The following AHRR variants were observed in gnomAD, a reference collection of about 807,000 sequenced individuals.
The protein encoded by AHRR is aryl hydrocarbon receptor repressor, also known as ahR repressor.
In AHRR, 28 loss-of-function variants were observed where a neutral mutation model predicts 44.0. That is an observed-to-expected ratio of 0.64 (90% confidence interval 0.47 to 0.87). The LOEUF (loss-of-function observed/expected upper bound fraction) is 0.87, where lower values mean the gene tolerates loss of function less well. Ranked by LOEUF, AHRR falls within the 40% of genes least tolerant of loss-of-function variation. The pLI is 0.00. For missense variants in AHRR, 990 were observed against 953.9 expected, an observed-to-expected ratio of 1.04 and a Z score of -0.50; for synonymous variants, 434 against 407.0, an observed-to-expected ratio of 1.07 and a Z score of -0.80.
chr5:423,493 G>T lies in AHRR; in HGVS notation c.572-348G>T, dbSNP rs374470157. Reference sequence around the variant, plus strand: ...GGTTCTCTCGCACGTATCCGCAGAAGCCTGAAATAATTCACGGAAAGTTTC... The same window carrying T: ...GGTTCTCTCGCACGTATCCGCAGAATCCTGAAATAATTCACGGAAAGTTTC... On this transcript the variant is annotated intron_variant, in intron 6 of 10. Transcript: ENST00000684583. Among the ~76,000 whole-genome samples, 263 of 152,316 alleles carry T rather than the reference G, an allele frequency of 1.7e-3. 14 individuals carry two copies. The South Asian group carries it at 0.053, about 30-fold the overall frequency.
At chr5:354,001 G>A in intron 3 of AHRR, 90 bp downstream of exon 3, 2 of 1,386,204 alleles carry the variant, frequency 1.4e-6, no homozygotes, top group Non-Finnish European at 2.0e-6. Flanking sequence ...GGTGAAGTGT[G>A]TCTGGTGGGT....
rs1742199140 is a variant in AHRR at position 337,906 on chromosome 5, G to A, written c.-10-5987G>A. 6.6e-6 allele frequency among the ~76,000 whole-genome samples: 1 copy of A among 152,220 alleles called. No homozygotes were observed. The highest frequency in any genetic ancestry group is 1.5e-5 in the Non-Finnish European group (1 of 68,038). On this transcript the variant is annotated intron_variant, in intron 1 of 10. Transcript: ENST00000684583. This position sits in a 1 kb window ranked among gnomAD's most constrained non-coding sequence, Gnocchi z 4.1. ...GAACCAGGAGAGGCTCCTTCTTCCT[G>A]CTGGGCTCCTCTAGGACCGTATTCA... is the stretch of plus-strand genomic sequence containing the variant.
At chr5:432,254 G>A (rs914527846) in intron 8 of AHRR, 7 of 542,844 alleles carry the variant, frequency 1.3e-5, no homozygotes, top group South Asian at 9.3e-5. Context: ...GAAAAGTGAC[G>A]TGACAATATT....
In AHRR at chr5:435,697, C is replaced by A. The variant is rs562324235; in HGVS notation, c.*863C>A. ...TTTGGAAGTACAGAGAAACACACAA[C>A]GTAGAGAGAAGACACAGGAAACTGC... On this transcript the variant is annotated 3_prime_UTR_variant, in exon 11 of 11. Coordinates refer to ENST00000684583, the MANE Select transcript of AHRR (RefSeq NM_001377236.1). The A allele has an allele frequency of 6.6e-6, 1 of 152,332 alleles. No homozygotes were observed. Among genetic ancestry groups the A allele is most frequent in the Non-Finnish European group, 1.5e-5 (1 of 68,040 alleles). 9.4% of individuals were successfully genotyped at this position (152,332 alleles called of 1,614,324 possible).
rs368026255 is a variant in AHRR, at chr5:437,013, G to C, written c.*2179G>C. ...TTCCCACTTCCTTCCTATTCTAACC[G>C]AGTGCCCAGCTCCTTTGCTGATCAT... On this transcript the variant is annotated 3_prime_UTR_variant, in exon 11 of 11. Coordinates refer to ENST00000684583, the MANE Select transcript of AHRR (RefSeq NM_001377236.1). The C allele has an allele frequency of 6.6e-6, 1 of 152,376 alleles. No homozygotes were observed. Among genetic ancestry groups the C allele is most frequent in the Non-Finnish European group, 1.5e-5 (1 of 68,090 alleles). 9.4% of individuals were successfully genotyped at this position (152,376 alleles called of 1,614,324 possible).
chr5:397,886 CCACGTAGCT>C lies in AHRR; in HGVS notation c.352-15456_352-15448del, dbSNP rs1276233363. Among the ~76,000 whole-genome samples the C allele has an allele frequency of 2.1e-3, 230 of 107,854 alleles. 16 individuals are homozygous for C. Among genetic ancestry groups the C allele is most frequent in the Non-Finnish European group, 3.2e-3 (156 of 48,646 alleles). The allele number at this position is 107,854 out of a possible 152,430, so 70.8% of individuals were successfully genotyped here. ...ACCATCCCTGTTAGCCCCTGACCATCCACGTAGCTCCTGACCATCCATGTTAGCCCCTGA... is the reference window on the plus strand; with the variant it reads ...ACCATCCCTGTTAGCCCCTGACCATCCCTGACCATCCATGTTAGCCCCTGA... On this transcript the variant is annotated intron_variant, in intron 4 of 10. Coordinates refer to ENST00000684583, the MANE Select transcript of AHRR (RefSeq NM_001377236.1).
rs1432586581 is a variant in AHRR at position 437,750 on chromosome 5, TTTGTG to T, written c.*2917_*2921del. 1.3e-5 allele frequency: 2 copies of T among 152,360 alleles called. No individual in the cohort carries two copies. Among genetic ancestry groups the T allele is most frequent in the African/African-American group, 2.4e-5 (1 of 41,458 alleles). 9.4% of individuals were successfully genotyped at this position (152,360 alleles called of 1,614,324 possible). ...GCACGTGGGTGTTGGCTCTGCCGGT[TTTGTG>T]GTGTGGGGACCCTACAGGAGGCTGC... On this transcript the variant is annotated 3_prime_UTR_variant, in exon 11 of 11. Transcript: ENST00000684583.
chr5:360,492 G>T (rs1404224037), intron 3 of AHRR, among the ~76,000 whole-genome samples: 2 of 152,234 alleles, frequency 1.3e-5, no homozygotes, highest in Non-Finnish European at 1.5e-5. Flanking sequence ...GACGAGTTTT[G>T]AGGTGTGTGC....
In AHRR at chr5:370,566, G is replaced by A. The variant is rs933455274; in HGVS notation, c.245-6044G>A. Among the ~76,000 whole-genome samples, 18 of 152,310 alleles carry A rather than the reference G, an allele frequency of 1.2e-4. No individual in the cohort carries two copies. Among genetic ancestry groups the A allele is most frequent in the African/African-American group, 4.3e-4 (18 of 41,576 alleles). Reference sequence around the variant, plus strand: ...GAGTCTCACAGTGGGTGCAGCCCCAGGCAGGTGGTGGTCCATAGGGGACAG... The same window carrying A: ...GAGTCTCACAGTGGGTGCAGCCCCAAGCAGGTGGTGGTCCATAGGGGACAG... On this transcript the variant is annotated intron_variant, in intron 3 of 10. Coordinates refer to ENST00000684583, the MANE Select transcript of AHRR (RefSeq NM_001377236.1). This position sits in a 1 kb window ranked among gnomAD's most constrained non-coding sequence, Gnocchi z 4.5.
At chr5:343,716 G>T (rs1742450582) in intron 1 of AHRR, 177 bp from the exon 2 acceptor site, 1 of 599,394 alleles carries the variant, frequency 1.7e-6, no homozygotes, top group Middle Eastern at 4.5e-4. Flanking sequence ...TCGGTGCGGG[G>T]TGCTGGAGAG....
At chr5:421,897 G>GA (rs983282035) in intron 5 of AHRR, among the ~76,000 whole-genome samples, 1 of 152,172 alleles carries the variant, frequency 6.6e-6, no homozygotes, top group African/African-American at 2.4e-5. Context: ...CTCCAGTTAG[G>GA]AAGAACCACT....
chr5:376,061 A>AGGAGGGAGAGGCGATGCGGGTGCGGCCC, intron 3 of AHRR, among the ~76,000 whole-genome samples: 1 of 105,474 alleles, frequency 9.5e-6, no homozygotes, highest in Admixed American at 8.8e-5. Flanking sequence ...CCTGCTTCTC[A>AGGAGGGAGAGGCGATGCGGGTGCGGCCC]CTAGGGAGGG....
At chr5:427,302 C>T (rs1425841766) in intron 7 of AHRR, among the ~76,000 whole-genome samples, 1 of 152,200 alleles carries the variant, frequency 6.6e-6, no homozygotes, top group Admixed American at 6.5e-5. Flanking sequence ...CTTTTAAAGT[C>T]TCACTGTACA....
chr5:420,812 C>CGCAG (rs1736053816), intron 5 of AHRR: 5 of 85,514 alleles, frequency 5.8e-5, no homozygotes, highest in Admixed American at 1.7e-4. Context: ...CACGCAGCCA[C>CGCAG]CCACCCACGC....
chr5:351,954 AC>A (rs1742872535), intron 2 of AHRR, among the ~76,000 whole-genome samples: 1 of 152,158 alleles, frequency 6.6e-6, no homozygotes, highest in Non-Finnish European at 1.5e-5. Context: ...AGAGACCCAA[AC>A]CCCTGGAAAC....
intron 3 of AHRR, among the ~76,000 whole-genome samples, chr5:366,862 T>C (rs1361646946): frequency 1.3e-5 from 2 of 150,478 alleles, no homozygotes; most frequent in Non-Finnish European, 3.0e-5. Context: ...ATAACTCACC[T>C]GTAATCTCCA....
intron 4 of AHRR, among the ~76,000 whole-genome samples, chr5:394,873 G>A (rs573548343): frequency 3.9e-5 from 6 of 152,280 alleles, no homozygotes; most frequent in South Asian, 2.1e-4. Flanking sequence ...CTTTTGCCCC[G>A]AGTCCTCCCC....
chr5:391,051 C>G (rs921594100), intron 4 of AHRR, among the ~76,000 whole-genome samples: 10 of 151,978 alleles, frequency 6.6e-5, no homozygotes, highest in Admixed American at 5.9e-4. Flanking sequence ...CATCCTCAGA[C>G]AGACGGGAGA....
intron 2 of AHRR, among the ~76,000 whole-genome samples, chr5:352,178 C>T (rs1742879648): frequency 6.6e-6 from 1 of 152,234 alleles, no homozygotes; most frequent in Non-Finnish European, 1.5e-5. Context: ...GGCTTCAGTG[C>T]AGTGATGGTT....
Sources: gnomAD v4.1 joint callset for allele counts (sites outside exome capture counted in the v4.1 genomes callset) on GRCh38, gnomAD v4.1.1 for gene constraint, Gnocchi (gnomAD v3.1) non-coding constraint, MANE v1.5 for transcripts, NCBI Gene and HGNC (gene_info 2026-07-23, HGNC 2026-07-21) for gene names.